XRCC4: variants seen among roughly 807,000 people sequenced by gnomAD.
The protein encoded by XRCC4 is X-ray repair cross complementing 4, also known as DNA repair protein XRCC4.
In XRCC4, 28 loss-of-function variants were observed where a neutral mutation model predicts 39.1. That is an observed-to-expected ratio of 0.72 (90% CI 0.53 to 0.98). The LOEUF (loss-of-function observed/expected upper bound fraction) is 0.98. Ranked by LOEUF, XRCC4 falls within the 50% of genes least tolerant of loss-of-function variation. The pLI, the probability that XRCC4 is intolerant of heterozygous loss-of-function variation, is 0.00. For missense variants in XRCC4, 350 were observed against 376.4 expected, an observed-to-expected ratio of 0.93 and a Z score of 0.58; for synonymous variants, 123 against 126.4, an observed-to-expected ratio of 0.97 and a Z score of 0.18.
At chr5:83,203,809 G>A in intron 5 of XRCC4, 102 bp downstream of exon 5, 1 of 1,402,112 alleles carries the variant, frequency 7.1e-7, no homozygotes, top group Non-Finnish European at 9.8e-7. Flanking sequence ...GATCATATGA[G>A]ATAATTTGGT....
intron 1 of XRCC4, among the ~76,000 whole-genome samples, chr5:83,102,068 C>T (rs1346834081): frequency 4.0e-5 from 6 of 151,306 alleles, no homozygotes; most frequent in African/African-American, 1.5e-4. Context: ...CTCACTATCA[C>T]TAAAAACAAT....
intron 6 of XRCC4, among the ~76,000 whole-genome samples, chr5:83,235,139 A>C (rs1752637208): frequency 6.6e-6 from 1 of 151,702 alleles, no homozygotes; most frequent in Non-Finnish European, 1.5e-5. Context: ...GTTTGAGACC[A>C]GCCTAGGCAA....
At chr5:83,157,306 C>A (rs1749009372) in intron 3 of XRCC4, among the ~76,000 whole-genome samples, 2 of 152,026 alleles carry the variant, frequency 1.3e-5, no homozygotes. Context: ...CTGAAGCTTC[C>A]CTACTCTGTT....
chr5:83,201,913 G>A (rs547292475), intron 4 of XRCC4, among the ~76,000 whole-genome samples: 1 of 151,988 alleles, frequency 6.6e-6, no homozygotes, highest in South Asian at 2.1e-4. Flanking sequence ...ATGGTGGCAG[G>A]TGCCTGTAAT....
chr5:83,120,659 T>C lies in XRCC4; in HGVS notation c.315+9456T>C, dbSNP rs117406207. Among the ~76,000 whole-genome samples, 81 of 152,356 alleles carry C rather than the reference T, an allele frequency of 5.3e-4. No individual in the cohort carries two copies. The East Asian group carries it at 0.013, about 25-fold the overall frequency. On this transcript the variant is annotated intron_variant, in intron 3 of 7. Coordinates refer to ENST00000396027, the MANE Select transcript of XRCC4 (RefSeq NM_003401.5). ...ATTGCTGAGTAGTATTCCATTGTAT[T>C]GATATACCACTTTTACTTTTTGATG...
chr5:83,121,177 T>C (rs1746991712), intron 3 of XRCC4, among the ~76,000 whole-genome samples: 1 of 152,248 alleles, frequency 6.6e-6, no homozygotes, highest in Admixed American at 6.5e-5. Context: ...CCCCAATTTG[T>C]TTATGCATTC....
At chr5:83,339,547 G>A (rs544911399) in intron 7 of XRCC4, among the ~76,000 whole-genome samples, 2 of 151,792 alleles carry the variant, frequency 1.3e-5, no homozygotes, top group East Asian at 1.9e-4. Flanking sequence ...TGATGGGTGC[G>A]GCAAACCACC....
chr5:83,109,150 A>G (rs1052504828), intron 2 of XRCC4, among the ~76,000 whole-genome samples: 2 of 151,966 alleles, frequency 1.3e-5, no homozygotes, highest in South Asian at 2.1e-4. Flanking sequence ...ACTTGATAGC[A>G]TAGAGACCAA....
chr5:83,287,944 G>A (rs887037482), intron 7 of XRCC4, among the ~76,000 whole-genome samples: 1 of 151,620 alleles, frequency 6.6e-6, no homozygotes, highest in African/African-American at 2.4e-5. Flanking sequence ...TCCTCTCTAA[G>A]CACTGCTTTC....
At chr5:83,154,779 T>C (rs1028624715) in intron 3 of XRCC4, among the ~76,000 whole-genome samples, 8 of 152,162 alleles carry the variant, frequency 5.3e-5, no homozygotes, top group Non-Finnish European at 1.0e-4. Context: ...GACAAACCTA[T>C]TGGACAAATT....
intron 1 of XRCC4, among the ~76,000 whole-genome samples, chr5:83,100,509 T>A (rs1027827680): frequency 6.6e-6 from 1 of 152,074 alleles, no homozygotes; most frequent in Non-Finnish European, 1.5e-5. Context: ...AAAAAAGCAA[T>A]GAAACCAATT....
chr5:83,150,887 T>C (rs1215870262), intron 3 of XRCC4, among the ~76,000 whole-genome samples: 2 of 152,162 alleles, frequency 1.3e-5, no homozygotes, highest in East Asian at 1.9e-4. Context: ...TATATTGTAA[T>C]TGATAGATAG....
chr5:83,078,384 T>A (rs13177759), intron 1 of XRCC4, among the ~76,000 whole-genome samples: 7 of 152,182 alleles, frequency 4.6e-5, no homozygotes, highest in African/African-American at 1.4e-4. Context: ...GGCAAGCTTT[T>A]GGTTCTAAAT....
At chr5:83,107,408 A>T (rs1746248411) in intron 2 of XRCC4, among the ~76,000 whole-genome samples, 1 of 151,802 alleles carries the variant, frequency 6.6e-6, no homozygotes, top group South Asian at 2.1e-4. Context: ...CATTTTGATT[A>T]CTGCAACCTT....
intron 7 of XRCC4, among the ~76,000 whole-genome samples, chr5:83,284,999 G>T (rs1401842216): frequency 6.6e-6 from 1 of 152,096 alleles, no homozygotes; most frequent in African/African-American, 2.4e-5. Context: ...TTAAAAATTA[G>T]GATAGTGAGA....
At chr5:83,333,735 T>A (rs1336299970) in intron 7 of XRCC4, among the ~76,000 whole-genome samples, 1 of 152,116 alleles carries the variant, frequency 6.6e-6, no homozygotes, top group Admixed American at 6.6e-5. Context: ...TATGCAAATA[T>A]TTTACTAAAT....
intron 1 of XRCC4, among the ~76,000 whole-genome samples, chr5:83,090,345 G>GA (rs899468769): frequency 4.2e-5 from 2 of 47,496 alleles, no homozygotes; most frequent in Non-Finnish European, 1.0e-4. Context: ...TGGTGGGGTT[G>GA]GGGGGGGCTC....
intron 7 of XRCC4, among the ~76,000 whole-genome samples, chr5:83,265,361 C>G (rs1753917841): frequency 1.3e-5 from 2 of 152,218 alleles, no homozygotes; most frequent in South Asian, 4.1e-4. Flanking sequence ...TAATGTTTAT[C>G]TTAGTTGCAA....
At chr5:83,080,993 T>C (rs1185259731) in intron 1 of XRCC4, among the ~76,000 whole-genome samples, 1 of 152,206 alleles carries the variant, frequency 6.6e-6, no homozygotes, top group South Asian at 2.1e-4. Flanking sequence ...GCCAAACTTA[T>C]AGCCATAGTG....
Sources: allele counts gnomAD v4.1 joint callset (sites outside exome capture counted in the v4.1 genomes callset), GRCh38; gene constraint gnomAD v4.1.1; transcripts MANE v1.5; gene names NCBI Gene and HGNC (gene_info 2026-07-23, HGNC 2026-07-21).